Variants in PTPRG observed in about 807,000 individuals in gnomAD.
The protein encoded by PTPRG is protein tyrosine phosphatase receptor type G, also known as receptor-type tyrosine-protein phosphatase gamma.
Under a neutral mutation model 165.3 loss-of-function variants are expected in PTPRG, and 102 were observed. The ratio of observed to expected loss-of-function variants is 0.62; its 90% CI spans 0.53 to 0.73. PTPRG has a LOEUF of 0.73. PTPRG is among the 30% of genes least tolerant of loss of function. The pLI is 0.00. For synonymous variants in PTPRG, 675 were observed against 669.5 expected (o/e 1.01, Z -0.13); for missense variants, 1,866 against 1,861.4 (o/e 1.00, Z -0.05).
intron 1 of PTPRG, among the ~76,000 whole-genome samples, chr3:61,690,579 G>A (rs527503995): frequency 3.9e-5 from 6 of 152,264 alleles, no homozygotes; most frequent in Admixed American, 6.5e-5. Context: ...AACACTCATT[G>A]TGTTTTTGCT....
Position 62,273,864 on chromosome 3 carries a change from T to C in PTPRG, c.3465+20T>C, listed in dbSNP as rs1702152069. 6.2e-7 allele frequency: 1 copy of C among 1,610,458 alleles called. No homozygotes were observed. The highest frequency in any genetic ancestry group is 8.5e-7 in the Non-Finnish European group (1 of 1,177,576). ...TTCAAGGTAGTGCTTTGAAAAAGTT[T>C]CTTTGGCATAAAGCAAGAAAATGTT... On this transcript the variant is annotated intron_variant, in intron 23 of 29. Coordinates refer to ENST00000474889, the MANE Select transcript of PTPRG (RefSeq NM_002841.4). This position sits in a 1 kb window ranked among gnomAD's most constrained non-coding sequence, Gnocchi z 4.1.
chr3:61,857,148 T>A (rs1483528836), intron 2 of PTPRG, among the ~76,000 whole-genome samples: 2 of 152,158 alleles, frequency 1.3e-5, no homozygotes, highest in Admixed American at 6.5e-5. Context: ...AGTTTTGCAG[T>A]TGAGGTAACC....
intron 4 of PTPRG, among the ~76,000 whole-genome samples, chr3:62,003,970 A>G (rs2041233371): frequency 6.6e-6 from 1 of 152,126 alleles, no homozygotes; most frequent in Non-Finnish European, 1.5e-5. Flanking sequence ...GGTATGAGTC[A>G]CTGTTAATTT....
At chr3:62,126,844 A>G (rs1414622632) in intron 5 of PTPRG, among the ~76,000 whole-genome samples, 1 of 152,168 alleles carries the variant, frequency 6.6e-6, no homozygotes. Flanking sequence ...TCTCCGACTT[A>G]TTTCATGGCA....
intron 2 of PTPRG, among the ~76,000 whole-genome samples, chr3:61,888,377 A>G (rs2038113506): frequency 6.7e-6 from 1 of 150,316 alleles, no homozygotes; most frequent in Non-Finnish European, 1.5e-5. Context: ...TCTGTCGCCC[A>G]GGCTGGAGTG....
intron 2 of PTPRG, among the ~76,000 whole-genome samples, chr3:61,936,433 T>A (rs538926416): frequency 2.6e-5 from 4 of 152,336 alleles, no homozygotes; most frequent in African/African-American, 9.6e-5. Context: ...GTGACTTTTT[T>A]AGCTTGGCTT....
intron 5 of PTPRG, among the ~76,000 whole-genome samples, chr3:62,102,347 T>C (rs1258327662): frequency 6.6e-6 from 1 of 152,186 alleles, no homozygotes; most frequent in East Asian, 1.9e-4. Flanking sequence ...CAATCTTGGC[T>C]CACTGCAACC....
intron 1 of PTPRG, among the ~76,000 whole-genome samples, chr3:61,630,633 G>T (rs1338838954): frequency 1.3e-5 from 2 of 152,164 alleles, no homozygotes; most frequent in African/African-American, 4.8e-5. Flanking sequence ...TCATTGCAAT[G>T]TGTTTGTGGT....
At chr3:62,024,606 T>A (rs2041766711) in intron 4 of PTPRG, among the ~76,000 whole-genome samples, 2 of 152,228 alleles carry the variant, frequency 1.3e-5, no homozygotes, top group South Asian at 4.1e-4. Flanking sequence ...GGGTAAAGTT[T>A]CCAGTTTATT....
intron 2 of PTPRG, among the ~76,000 whole-genome samples, chr3:61,976,517 G>A (rs979353436): frequency 1.3e-5 from 2 of 152,138 alleles, no homozygotes; most frequent in African/African-American, 4.8e-5. Context: ...GTACTAATGG[G>A]TATATTAGCA....
At chr3:61,676,248 G>C (rs1333277734) in intron 1 of PTPRG, among the ~76,000 whole-genome samples, 1 of 151,662 alleles carries the variant, frequency 6.6e-6, no homozygotes, top group African/African-American at 2.4e-5. Context: ...ACGAGGTCAG[G>C]AGATCGAGAC....
chr3:61,728,677 T>C (rs961169789), intron 1 of PTPRG, among the ~76,000 whole-genome samples: 6 of 135,932 alleles, frequency 4.4e-5, no homozygotes, highest in African/African-American at 1.6e-4. Context: ...AAGAGCTATG[T>C]ATTTTTTTTG....
At chr3:62,068,072 C>T (rs912722996) in intron 4 of PTPRG, among the ~76,000 whole-genome samples, 4 of 152,068 alleles carry the variant, frequency 2.6e-5, no homozygotes, top group African/African-American at 9.7e-5. Context: ...AGATTTGAGT[C>T]CCAGTGTTAA....
chr3:61,742,522 T>C, intron 1 of PTPRG: 1 of 1,598,530 alleles, frequency 6.3e-7, no homozygotes, highest in Non-Finnish European at 8.5e-7. Context: ...CTGCCAGTTT[T>C]TCTTGAGCAA....
In PTPRG at chr3:62,271,349, C is replaced by T. The variant is rs191799587; in HGVS notation, c.3010-34C>T. The T allele has an allele frequency of 1.2e-5, 19 of 1,542,394 alleles. No individual in the cohort carries two copies. The highest frequency in any genetic ancestry group is 1.7e-4 in the Middle Eastern group (1 of 5,796). On this transcript the variant is annotated intron_variant, in intron 20 of 29. Transcript: ENST00000474889. This position sits in a 1 kb window ranked among gnomAD's most constrained non-coding sequence, Gnocchi z 4.1. ...TTTTTTTCCAGAATGTCCACCCCCC[C>T]GCTTAAAGACATCTTTTTTCACTTT... is the stretch of plus-strand genomic sequence containing the variant.
At chr3:61,873,018 T>C (rs1258826667) in intron 2 of PTPRG, among the ~76,000 whole-genome samples, 1 of 152,118 alleles carries the variant, frequency 6.6e-6, no homozygotes, top group Non-Finnish European at 1.5e-5. Flanking sequence ...CTGTAAAAAA[T>C]GTGATTCTTT....
chr3:61,892,387 T>G (rs2038238638), intron 2 of PTPRG, among the ~76,000 whole-genome samples: 1 of 152,188 alleles, frequency 6.6e-6, no homozygotes, highest in African/African-American at 2.4e-5. Context: ...GCTAACCTTT[T>G]GATTTTTTGT....
chr3:62,280,156 T>C (rs1273304021), intron 26 of PTPRG, among the ~76,000 whole-genome samples: 1 of 152,072 alleles, frequency 6.6e-6, no homozygotes, highest in Non-Finnish European at 1.5e-5. Flanking sequence ...AAATATAACA[T>C]TGACAGATTT....
At chr3:61,695,238 C>T (rs547467540) in intron 1 of PTPRG, among the ~76,000 whole-genome samples, 2 of 152,136 alleles carry the variant, frequency 1.3e-5, no homozygotes, top group Non-Finnish European at 2.9e-5. Flanking sequence ...CTCGAACTCC[C>T]GACCTCGGGT....
Sources: allele counts gnomAD v4.1 joint callset (sites outside exome capture counted in the v4.1 genomes callset), GRCh38; gene constraint gnomAD v4.1.1; non-coding constraint Gnocchi (gnomAD v3.1); transcripts MANE v1.5; gene names NCBI Gene and HGNC (gene_info 2026-07-23, HGNC 2026-07-21).